BLVRB: variants seen among roughly 807,000 people sequenced by gnomAD.
BLVRB encodes biliverdin reductase B.
BLVRB carries 25 observed loss-of-function variants against 21.1 expected under a neutral mutation model. That is an observed-to-expected ratio of 1.19 (90% CI 0.86 to 1.66). The LOEUF (loss-of-function observed/expected upper bound fraction) is 1.66, where lower values mean the gene tolerates loss of function less well. BLVRB is among the 40% of genes most tolerant of loss of function. BLVRB has a pLI of 0.00. For synonymous variants in BLVRB, 128 were observed against 122.2 expected (o/e 1.05, Z -0.31); for missense variants, 274 against 282.7 (o/e 0.97, Z 0.22).
intron 1 of BLVRB, among the ~76,000 whole-genome samples, chr19:40,460,997 A>AAAACAAAC (rs1555806452): frequency 6.6e-6 from 1 of 151,752 alleles, no homozygotes; most frequent in Non-Finnish European, 1.5e-5. Flanking sequence ...AAAACAAAAC[A>AAAACAAAC]AACAACAACA....
intron 3 of BLVRB, among the ~76,000 whole-genome samples, chr19:40,452,478 A>AT (rs1276313325): frequency 0.16 from 21,673 of 137,806 alleles, 1,663 homozygotes; most frequent in Admixed American, 0.23. Context: ...AAACCCCACT[A>AT]TTTTTTTTTT....
intron 3 of BLVRB, among the ~76,000 whole-genome samples, chr19:40,454,930 C>G (rs1297861095): frequency 6.6e-6 from 1 of 152,178 alleles, no homozygotes; most frequent in East Asian, 1.9e-4. Context: ...CAACCTCTGC[C>G]TTCTAGGCTC....
chr19:40,465,552 C>G (rs1210445581), intron 1 of BLVRB, 58 bp downstream of exon 1: 2 of 1,559,446 alleles, frequency 1.3e-6, no homozygotes, highest in South Asian at 1.2e-5. Context: ...CCATGGTGCC[C>G]CTTCCTAAAG....
chr19:40,459,213 C>T (rs1025545930), intron 1 of BLVRB, among the ~76,000 whole-genome samples: 1 of 149,856 alleles, frequency 6.7e-6, no homozygotes, highest in Non-Finnish European at 1.5e-5. Flanking sequence ...CCTGTAATCC[C>T]AAGTACTTGG....
At chr19:40,448,447 C>T (rs1325323814) in intron 4 of BLVRB, among the ~76,000 whole-genome samples, 1 of 151,422 alleles carries the variant, frequency 6.6e-6, no homozygotes, top group Non-Finnish European at 1.5e-5. Context: ...AAAAATCAGC[C>T]GGGTGCAGTG....
At chr19:40,463,070 G>T (rs1454788477) in intron 1 of BLVRB, among the ~76,000 whole-genome samples, 1 of 151,926 alleles carries the variant, frequency 6.6e-6, no homozygotes, top group Admixed American at 6.6e-5. Flanking sequence ...GTTGATACAC[G>T]TTGTGACCAT....
At chr19:40,456,432 T>C (rs1035364858) in intron 3 of BLVRB, among the ~76,000 whole-genome samples, 3 of 148,942 alleles carry the variant, frequency 2.0e-5, no homozygotes, top group African/African-American at 7.4e-5. Context: ...CTATGTTTGT[T>C]TTTTTTTTAA....
chr19:40,449,995 C>G (rs559612727), intron 4 of BLVRB, among the ~76,000 whole-genome samples: 1 of 144,576 alleles, frequency 6.9e-6, no homozygotes, highest in East Asian at 2.1e-4. Context: ...GTCAAGAGAT[C>G]GAGACCATCT....
chr19:40,460,044 A>T (rs2079779723), intron 1 of BLVRB, among the ~76,000 whole-genome samples: 1 of 152,070 alleles, frequency 6.6e-6, no homozygotes. Context: ...TACTGCTGGG[A>T]AGCCCAGCCC....
At chr19:40,451,277 G>T in intron 4 of BLVRB, 87 bp downstream of exon 4, 1 of 1,536,076 alleles carries the variant, frequency 6.5e-7, no homozygotes, top group Middle Eastern at 2.0e-4. Flanking sequence ...ATTTTAGGGT[G>T]GTCAGGGAAG....
At chr19:40,460,586 A>G (rs2079782872) in intron 1 of BLVRB, among the ~76,000 whole-genome samples, 1 of 150,892 alleles carries the variant, frequency 6.6e-6, no homozygotes, top group African/African-American at 2.4e-5. Flanking sequence ...GCTACAGAAC[A>G]AGACTCTGTC....
At position 40,458,184 on chromosome 19, in the gene BLVRB, C is replaced by G; in HGVS notation, c.305G>C (p.Gly102Ala). 6.2e-7 allele frequency: 1 copy of G among 1,614,106 alleles called. No homozygotes were observed. The highest frequency in any genetic ancestry group is 8.5e-7 in the Non-Finnish European group (1 of 1,179,996). ...GGTGCAGGCCACGACCTTGTCCACA[C>G]CATGAGCCTTCATGGCTGCCACAAT... ...RNIVAAMKAH[G>A]VDKVVACTSA... Residue 102 changes from glycine to alanine, a missense_variant, in exon 3 of 5, where the codon GGT becomes GCT. By Grantham distance (60) the Gly-to-Ala change is moderately conservative. Transcript: ENST00000263368.
chr19:40,465,016 T>C (rs868855506), intron 1 of BLVRB, among the ~76,000 whole-genome samples: 11 of 152,230 alleles, frequency 7.2e-5, no homozygotes, highest in Admixed American at 1.3e-4. Context: ...AAGTCTTCAC[T>C]CATGTCTCTC....
intron 1 of BLVRB, among the ~76,000 whole-genome samples, chr19:40,460,872 T>C (rs112406491): frequency 0.1 from 15,170 of 152,106 alleles, 960 homozygotes; most frequent in Non-Finnish European, 0.14. Context: ...CTTGGGAGGC[T>C]GAGGCAGAAG....
intron 1 of BLVRB, among the ~76,000 whole-genome samples, chr19:40,462,070 C>G (rs2079789859): frequency 1.3e-5 from 2 of 152,200 alleles, no homozygotes; most frequent in Admixed American, 1.3e-4. Flanking sequence ...GGACCTTGAT[C>G]CAAACTCCAG....
At chr19:40,448,921 T>C (rs1048608835) in intron 4 of BLVRB, among the ~76,000 whole-genome samples, 3 of 151,912 alleles carry the variant, frequency 2.0e-5, no homozygotes, top group Non-Finnish European at 2.9e-5. Flanking sequence ...ACCACATCTC[T>C]ACAAAAAATG....
intron 3 of BLVRB, 122 bp from the exon 4 acceptor site, chr19:40,451,614 C>G: frequency 7.7e-7 from 1 of 1,300,818 alleles, no homozygotes; most frequent in Non-Finnish European, 1.0e-6. Context: ...CTCACTGCAA[C>G]CTCTGCCTCC....
intron 1 of BLVRB, among the ~76,000 whole-genome samples, chr19:40,458,966 G>A (rs779861318): frequency 3.3e-5 from 5 of 151,764 alleles, no homozygotes; most frequent in Admixed American, 1.3e-4. Context: ...GAGCCACTGC[G>A]CCGTGGCCTT....
At chr19:40,457,597 C>T (rs1299761457) in intron 3 of BLVRB, 1 of 152,106 alleles carries the variant, frequency 6.6e-6, no homozygotes, top group African/African-American at 2.4e-5. Flanking sequence ...AAGATCACGC[C>T]ACTGCACTCC....
Sources: gnomAD v4.1 joint callset for allele counts (sites outside exome capture counted in the v4.1 genomes callset) on GRCh38, gnomAD v4.1.1 for gene constraint, MANE v1.5 for transcripts, NCBI Gene and HGNC (gene_info 2026-07-23, HGNC 2026-07-21) for gene names.